LRBA: variants seen among roughly 807,000 people sequenced by gnomAD.
LRBA encodes the protein LPS responsive beige-like anchor protein, also known as lipopolysaccharide-responsive and beige-like anchor protein.
In LRBA, 176 loss-of-function variants were observed where a neutral mutation model predicts 330.0. That is an observed-to-expected ratio of 0.53 (90% CI 0.47 to 0.60). The LOEUF (loss-of-function observed/expected upper bound fraction) is 0.60. Among genes scored for constraint, LRBA ranks in the 20% least tolerant of loss-of-function variants. LRBA has a pLI of 0.00. For synonymous variants in LRBA, 1,230 were observed against 1,193.0 expected (o/e 1.03, Z -0.64); for missense variants, 3,259 against 3,444.8 (o/e 0.95, Z 1.35).
chr4:150,532,978 T>C (rs1447399806), intron 40 of LRBA, among the ~76,000 whole-genome samples: 7 of 152,156 alleles, frequency 4.6e-5, no homozygotes, highest in African/African-American at 1.7e-4. Flanking sequence ...TATTTATAAA[T>C]GGACATGCTC....
intron 40 of LRBA, among the ~76,000 whole-genome samples, chr4:150,546,986 C>T (rs1765932410): frequency 6.6e-6 from 1 of 152,230 alleles, no homozygotes; most frequent in East Asian, 1.9e-4. Context: ...GTAAACAAAA[C>T]ATATTTAATT....
chr4:150,849,906 C>G (rs1750396569), intron 24 of LRBA, among the ~76,000 whole-genome samples: 1 of 152,122 alleles, frequency 6.6e-6, no homozygotes, highest in African/African-American at 2.4e-5. Context: ...GGTAAATGTG[C>G]TATTAAAAAT....
rs556809755 is a variant in LRBA at position 150,898,011 on chromosome 4, CA to C, written c.1925-194del. ...TACATGCACTGTATACACAATATTT[CA>C]AACATACAAACAGGTTATGTTGAAA... On this transcript the variant is annotated intron_variant, in intron 14 of 56. Transcript: ENST00000651943. 4.2e-3 allele frequency among the ~76,000 whole-genome samples: 637 copies of C among 152,110 alleles called. 3 individuals are homozygous for C. Among genetic ancestry groups the C allele is most frequent in the African/African-American group, 0.015 (616 of 41,548 alleles).
At chr4:150,986,416 A>C (rs1356202261) in intron 2 of LRBA, among the ~76,000 whole-genome samples, 2 of 152,168 alleles carry the variant, frequency 1.3e-5, no homozygotes, top group African/African-American at 4.8e-5. Context: ...GAATATGTAC[A>C]TAGACCTGAG....
intron 53 of LRBA, among the ~76,000 whole-genome samples, chr4:150,297,977 G>A (rs1729179613): frequency 2.0e-5 from 3 of 152,064 alleles, no homozygotes. Flanking sequence ...TATATCACAG[G>A]CAATTAAAAA....
At chr4:150,802,744 C>T (rs2126691428) in intron 33 of LRBA, among the ~76,000 whole-genome samples, 1 of 152,140 alleles carries the variant, frequency 6.6e-6, no homozygotes, top group East Asian at 1.9e-4. Context: ...GGGCATATGG[C>T]CAGACGCAGT....
chr4:150,852,169 T>C lies in LRBA; in HGVS notation c.3541A>G (p.Thr1181Ala), dbSNP rs2126920749. The C allele has an allele frequency of 6.2e-7, 1 of 1,614,154 alleles. No individual in the cohort carries two copies. Among genetic ancestry groups the C allele is most frequent in the Non-Finnish European group, 8.5e-7 (1 of 1,180,006 alleles). Residue 1181 changes from threonine to alanine, a missense_variant, in exon 23 of 57, where the codon ACT (threonine) becomes GCT (alanine). Thr to Ala is a moderately conservative substitution (Grantham distance 58). Transcript: ENST00000651943. ...GCTGAAGACCCTGATGCTGTCATAG[T>C]CTGAATTCCAGAATCTTTAGAATCT... is the stretch of plus-strand genomic sequence containing the variant. ...TQDSKDSGIQ[T>A]MTASGSSAMS...
chr4:150,806,645 A>C (rs1017365336), intron 32 of LRBA, among the ~76,000 whole-genome samples: 4 of 152,124 alleles, frequency 2.6e-5, no homozygotes, highest in African/African-American at 9.7e-5. Context: ...TCCAAGCATC[A>C]GTACTTACTA....
chr4:150,521,987 T>G (rs1302491554), intron 40 of LRBA, among the ~76,000 whole-genome samples: 1 of 152,210 alleles, frequency 6.6e-6, no homozygotes, highest in Non-Finnish European at 1.5e-5. Context: ...TGCTTCACAT[T>G]TAAAATCTCT....
At chr4:150,759,378 C>T (rs1414603059) in intron 35 of LRBA, among the ~76,000 whole-genome samples, 1 of 152,218 alleles carries the variant, frequency 6.6e-6, no homozygotes, top group African/African-American at 2.4e-5. Flanking sequence ...ACTTTAATCA[C>T]TCTTTTCTTG....
intron 28 of LRBA, 23 bp downstream of exon 28, chr4:150,844,077 G>T: frequency 1.4e-6 from 2 of 1,402,342 alleles, no homozygotes; most frequent in Non-Finnish European, 2.0e-6. Context: ...AAGAGAGTAT[G>T]TGAAAGACAT....
chr4:150,808,504 T>C lies in LRBA; in HGVS notation c.5306-106A>G. 6 of 656,262 alleles carry C rather than the reference T, an allele frequency of 9.1e-6. No individual in the cohort carries two copies. The East Asian group carries it at 1.3e-4, about 15-fold the overall frequency. 40.7% of individuals were successfully genotyped at this position (656,262 alleles called of 1,614,324 possible). On this transcript the variant is annotated intron_variant, in intron 31 of 56. Transcript: ENST00000651943. The stretch of plus-strand genomic sequence containing the variant: ...AGTCAATAAAAGCATTATAACGTAT[T>C]TTTATGTCCATTACTATTTGGATAA...
At chr4:150,754,541 AAG>A (rs1553954470) in intron 35 of LRBA, among the ~76,000 whole-genome samples, 11 of 119,066 alleles carry the variant, frequency 9.2e-5, no homozygotes, top group African/African-American at 1.3e-4. Flanking sequence ...AAAAAAAAAA[AAG>A]AGAGAGAGAG....
At chr4:150,427,234 A>G (rs1251978762) in intron 46 of LRBA, among the ~76,000 whole-genome samples, 2 of 152,012 alleles carry the variant, frequency 1.3e-5, no homozygotes, top group Non-Finnish European at 2.9e-5. Flanking sequence ...ATGCATTTTT[A>G]TAATTCTGGA....
intron 37 of LRBA, among the ~76,000 whole-genome samples, chr4:150,638,692 G>T (rs535939671): frequency 6.9e-6 from 1 of 145,936 alleles, no homozygotes; most frequent in Non-Finnish European, 1.5e-5. Flanking sequence ...TCATTAAAAA[G>T]TCAGGAAACA....
At position 150,897,721 on chromosome 4, in the gene LRBA, T is replaced by C. The variant is rs771722173; in HGVS notation, c.2004+18A>G. ...CTTCAATACACGGTATGCTATGGAA[T>C]AAGCAACGTGAACTCACCTTCATCA... On this transcript the variant is annotated intron_variant, in intron 15 of 56. Transcript: ENST00000651943. The C allele has an allele frequency of 5.8e-6, 9 of 1,550,178 alleles. No homozygotes were observed. Among genetic ancestry groups the C allele is most frequent in the Non-Finnish European group, 8.0e-6 (9 of 1,122,862 alleles).
At chr4:150,952,419 T>C (rs1330767578) in intron 2 of LRBA, among the ~76,000 whole-genome samples, 2 of 152,156 alleles carry the variant, frequency 1.3e-5, no homozygotes, top group East Asian at 3.8e-4. Flanking sequence ...AGAAGTGGGT[T>C]GAGGAGAGGG....
intron 8 of LRBA, 151 bp downstream of exon 8, chr4:150,915,457 G>T: frequency 1.6e-6 from 1 of 632,270 alleles, no homozygotes; most frequent in Non-Finnish European, 2.6e-6. Flanking sequence ...GACATATTAA[G>T]TTCTATTAAC....
chr4:150,613,039 C>T (rs1458502288), intron 37 of LRBA, among the ~76,000 whole-genome samples: 1 of 152,122 alleles, frequency 6.6e-6, no homozygotes, highest in African/African-American at 2.4e-5. Context: ...GAAGCAGTCT[C>T]ATTTAGCCGG....
Sources: gnomAD v4.1 joint callset for allele counts (sites outside exome capture counted in the v4.1 genomes callset) on GRCh38, gnomAD v4.1.1 for gene constraint, MANE v1.5 for transcripts, NCBI Gene and HGNC (gene_info 2026-07-23, HGNC 2026-07-21) for gene names.